RAD54B: variants seen among roughly 807,000 people sequenced by gnomAD.
RAD54B encodes the protein RAD54 homolog B.
RAD54B carries 78 observed loss-of-function variants against 95.8 expected under a neutral mutation model. The ratio of observed to expected loss-of-function variants is 0.81; its 90% CI spans 0.68 to 0.98. The LOEUF is 0.98. RAD54B is among the 50% of genes least tolerant of loss of function. RAD54B has a pLI of 0.00. For missense variants in RAD54B, 957 were observed against 1,056.6 expected (o/e 0.91, Z 1.31); for synonymous variants, 328 against 354.9 (o/e 0.92, Z 0.85).
intron 6 of RAD54B, among the ~76,000 whole-genome samples, chr8:94,400,743 A>G (rs1003932577): frequency 4.6e-5 from 7 of 152,194 alleles, no homozygotes; most frequent in African/African-American, 1.7e-4. Context: ...TTCCAATTTT[A>G]TATCTGCATA....
At chr8:94,388,668 A>C (rs1810948124) in intron 10 of RAD54B, among the ~76,000 whole-genome samples, 1 of 152,238 alleles carries the variant, frequency 6.6e-6, no homozygotes, top group Non-Finnish European at 1.5e-5. Context: ...AATGTATAAA[A>C]ATGCTGGGCA....
intron 14 of RAD54B, 103 bp from the exon 15 acceptor site, chr8:94,372,490 T>C: frequency 6.7e-7 from 1 of 1,500,592 alleles, no homozygotes; most frequent in Non-Finnish European, 8.8e-7. Context: ...ATTTATTACA[T>C]TTGATCACCA....
At chr8:94,468,853 G>A (rs1813096042) in intron 1 of RAD54B, among the ~76,000 whole-genome samples, 1 of 151,950 alleles carries the variant, frequency 6.6e-6, no homozygotes, top group East Asian at 1.9e-4. Context: ...GAGGAGCTTG[G>A]TGGTGCATGC....
At chr8:94,388,789 G>A (rs1563638032) in intron 10 of RAD54B, among the ~76,000 whole-genome samples, 1 of 152,220 alleles carries the variant, frequency 6.6e-6, no homozygotes, top group Non-Finnish European at 1.5e-5. Flanking sequence ...TGGGACATAT[G>A]AGGAGAAAGA....
At chr8:94,416,187 TA>T (rs1314220045) in intron 3 of RAD54B, among the ~76,000 whole-genome samples, 21 of 151,690 alleles carry the variant, frequency 1.4e-4, no homozygotes, top group African/African-American at 4.6e-4. Context: ...TATGCAGCCA[TA>T]AAAAATGATG....
At chr8:94,443,414 C>T (rs1354227630) in intron 3 of RAD54B, among the ~76,000 whole-genome samples, 2 of 151,982 alleles carry the variant, frequency 1.3e-5, no homozygotes, top group Non-Finnish European at 2.9e-5. Context: ...CCAGAGTACA[C>T]ATCTACCTAT....
intron 3 of RAD54B, among the ~76,000 whole-genome samples, chr8:94,437,800 G>C (rs1381755089): frequency 6.6e-6 from 1 of 152,066 alleles, no homozygotes; most frequent in Non-Finnish European, 1.5e-5. Flanking sequence ...ACACAGTTTG[G>C]ACTATGAAAG....
rs1810706105 is a variant in RAD54B at position 94,380,345 on chromosome 8, GACGCT to G, written c.2042_2046del (p.Lys681ThrfsTer9). The G allele has an allele frequency of 6.2e-7, 1 of 1,613,864 alleles. No homozygotes were observed. Among genetic ancestry groups the G allele is most frequent in the East Asian group, 2.2e-5 (1 of 44,868 alleles). On this transcript the variant is annotated frameshift_variant, in exon 12 of 15. Transcript: ENST00000336148. LOFTEE classifies it high-confidence loss of function. ...TCAAGTCTTGTATAAGCATATCCATGACGCTTACATACTTCTTGTAAAATGTTCAA... is the reference window on the plus strand; with the variant it reads ...TCAAGTCTTGTATAAGCATATCCATGTACATACTTCTTGTAAAATGTTCAA...
intron 3 of RAD54B, among the ~76,000 whole-genome samples, chr8:94,442,062 T>C (rs1013413469): frequency 1.3e-5 from 2 of 152,322 alleles, no homozygotes; most frequent in East Asian, 3.9e-4. Flanking sequence ...TATTTGGTTA[T>C]AAAAAATGAA....
chr8:94,468,630 C>T (rs28806528), intron 1 of RAD54B, among the ~76,000 whole-genome samples: 1,895 of 151,962 alleles, frequency 0.012, 42 homozygotes, highest in African/African-American at 0.044. Context: ...TCGAGACCAT[C>T]CTGGCTAACC....
rs755562491 is a variant in RAD54B at position 94,467,405 on chromosome 8, C to T, written c.135G>A (p.Glu45=). The change falls in exon 2 of 15, where the codon GAG becomes GAA. Residue 45 remains glutamate, a splice_region_variant and synonymous_variant. Transcript: ENST00000336148. ...TATCATGAGTCTTTTTTTGCCTTAC[C>T]TCAAATAATTTTATATCTGGATTCA... ...TKLNPDIKLF[E]GVAINNTFLP... is the part of the protein sequence containing the mutation. 1 of 1,597,858 alleles carries T rather than the reference C, an allele frequency of 6.3e-7. No individual in the cohort carries two copies. The highest frequency in any genetic ancestry group is 8.5e-7 in the Non-Finnish European group (1 of 1,172,944).
At chr8:94,389,100 C>T (rs1312628933) in intron 10 of RAD54B, among the ~76,000 whole-genome samples, 1 of 152,138 alleles carries the variant, frequency 6.6e-6, no homozygotes, top group Non-Finnish European at 1.5e-5. Context: ...AATATTAAAT[C>T]AGAGTACAGG....
intron 3 of RAD54B, among the ~76,000 whole-genome samples, chr8:94,437,149 G>T: frequency 6.6e-6 from 1 of 152,154 alleles, no homozygotes; most frequent in East Asian, 1.9e-4. Flanking sequence ...CTCGAGACAG[G>T]ATTTAATACA....
intron 14 of RAD54B, among the ~76,000 whole-genome samples, chr8:94,374,216 T>C (rs1291575097): frequency 1.3e-5 from 2 of 150,924 alleles, no homozygotes; most frequent in Non-Finnish European, 2.9e-5. Flanking sequence ...GAGGCGGAGC[T>C]GGCAGTGAGC....
At chr8:94,380,624 T>C (rs948736191) in intron 11 of RAD54B, among the ~76,000 whole-genome samples, 4 of 152,186 alleles carry the variant, frequency 2.6e-5, no homozygotes, top group Non-Finnish European at 5.9e-5. Context: ...CTTTCTGCCT[T>C]CTTCATCTCT....
chr8:94,409,340 TCAGAGTCTGGGC>T (rs1811471726), intron 4 of RAD54B, among the ~76,000 whole-genome samples: 1 of 151,788 alleles, frequency 6.6e-6, no homozygotes, highest in Non-Finnish European at 1.5e-5. Flanking sequence ...CAAAGAAAGG[TCAGAGTCTGGGC>T]ATCGGCATTT....
intron 3 of RAD54B, among the ~76,000 whole-genome samples, chr8:94,450,678 G>A (rs183875063): frequency 4.6e-5 from 7 of 152,212 alleles, no homozygotes; most frequent in African/African-American, 1.7e-4. Context: ...CCAGGAGTTC[G>A]AGACGAACCT....
Position 94,458,358 on chromosome 8 carries a change from T to A in RAD54B, c.214A>T (p.Ser72Cys), listed in dbSNP as rs1455850784. 25 of 1,609,236 alleles carry A rather than the reference T, an allele frequency of 1.6e-5. No individual in the cohort carries two copies. Among genetic ancestry groups the A allele is most frequent in the Non-Finnish European group, 2.0e-5 (23 of 1,178,162 alleles). Reference protein sequence around the residue: ...ICSLNLPSEESTREINNRDNC... With the variant: ...ICSLNLPSEECTREINNRDNC... Reference sequence around the variant, plus strand: ...TCTCTGTTATTGATTTCTCTAGTACTTTCTTCACTAGGCAGATTTAAACTG... The same window carrying A: ...TCTCTGTTATTGATTTCTCTAGTACATTCTTCACTAGGCAGATTTAAACTG... Residue 72 changes from serine to cysteine, a missense_variant, in exon 3 of 15, where the codon AGT (serine) becomes TGT (cysteine). Physicochemically the swap from Ser to Cys is moderately radical, Grantham distance 112. Coordinates refer to ENST00000336148, the MANE Select transcript of RAD54B (RefSeq NM_012415.3).
At position 94,414,850 on chromosome 8, in the gene RAD54B, C is replaced by A. The variant is rs553058604; in HGVS notation, c.305-3535G>T. ...CTTCAAGGAGAACTACAAACCACTG[C>A]TCAATGAAATAAAAGAGGATACAAA... On this transcript the variant is annotated intron_variant, in intron 3 of 14. Transcript: ENST00000336148. Among the ~76,000 whole-genome samples the A allele has an allele frequency of 1.6e-4, 24 of 152,208 alleles. No individual in the cohort carries two copies. The East Asian group carries it at 4.6e-3, about 29-fold the overall frequency.
Sources: gnomAD v4.1 joint callset for allele counts (sites outside exome capture counted in the v4.1 genomes callset) on GRCh38, gnomAD v4.1.1 for gene constraint, MANE v1.5 for transcripts, NCBI Gene and HGNC (gene_info 2026-07-23, HGNC 2026-07-21) for gene names.